CLIC5: variants seen among roughly 807,000 people sequenced by gnomAD.
The protein encoded by CLIC5 is CLIC family member 5, also known as chloride intracellular channel protein 5.
A neutral mutation model predicts 24.7 loss-of-function variants in CLIC5; 20 were observed. The ratio of observed to expected loss-of-function variants is 0.81; its 90% CI spans 0.57 to 1.18. CLIC5 has a LOEUF of 1.18. CLIC5 is among the 50% of genes most tolerant of loss of function. The probability of loss-of-function intolerance (pLI) is 0.00; values close to 1 mark genes in which losing one functional copy is unlikely to be tolerated. For missense variants in CLIC5, 341 were observed against 326.1 expected (o/e 1.05, Z -0.35); for synonymous variants, 159 against 135.6 (o/e 1.17, Z -1.20).
At chr6:45,903,359 T>C in intron 5 of CLIC5, 104 bp from the exon 6 acceptor site, 1 of 961,200 alleles carries the variant, frequency 1.0e-6, no homozygotes, top group Non-Finnish European at 1.5e-6. Context: ...GAAACCTCCG[T>C]GCATCACCAC....
At chr6:45,880,973 T>C (rs1474170652), downstream of CLIC5, 1 of 394,316 alleles carries the variant, frequency 2.5e-6, no homozygotes, top group African/African-American at 2.1e-5. Flanking sequence ...CTAGAGGGAA[T>C]GGGGGGACGG....
intron 4 of CLIC5, among the ~76,000 whole-genome samples, chr6:45,922,823 A>AAGAGAGAGAG (rs547902327): frequency 0.082 from 11,445 of 140,180 alleles, 724 homozygotes; most frequent in East Asian, 0.24. Flanking sequence ...GAGAGAGAGA[A>AAGAGAGAGAG]AGAGAGAGAG....
intron 4 of CLIC5, among the ~76,000 whole-genome samples, chr6:45,922,988 GCAAA>G (rs140598140): frequency 7.9e-5 from 12 of 152,170 alleles, no homozygotes; most frequent in East Asian, 5.8e-4. Context: ...TTATCCCTGA[GCAAA>G]CAAACAAACA....
chr6:46,071,654 C>G (rs111401736), intron 1 of CLIC5, among the ~76,000 whole-genome samples: 2 of 152,174 alleles, frequency 1.3e-5, no homozygotes, highest in African/African-American at 4.8e-5. Context: ...GTTAGTTCAG[C>G]CTTTGTGGAA....
intron 1 of CLIC5, among the ~76,000 whole-genome samples, chr6:46,010,924 G>T (rs547453123): frequency 1.3e-5 from 2 of 152,298 alleles, no homozygotes; most frequent in Non-Finnish European, 2.9e-5. Flanking sequence ...TAGGCAAGCG[G>T]CCCAAGGTGA....
intron 1 of CLIC5, among the ~76,000 whole-genome samples, chr6:46,068,227 T>C (rs1762496558): frequency 6.6e-6 from 1 of 152,168 alleles, no homozygotes; most frequent in Non-Finnish European, 1.5e-5. Flanking sequence ...GACAATACCC[T>C]ATCTTTAGAC....
upstream of CLIC5, among the ~76,000 whole-genome samples, chr6:46,082,338 T>A (rs1762941864): frequency 6.6e-6 from 1 of 152,174 alleles, no homozygotes; most frequent in East Asian, 1.9e-4. Flanking sequence ...TTAGAACACA[T>A]CTATCATGAT....
At chr6:46,078,820 G>T (rs368901558) in intron 1 of CLIC5, among the ~76,000 whole-genome samples, 2 of 152,312 alleles carry the variant, frequency 1.3e-5, no homozygotes, top group African/African-American at 4.8e-5. Flanking sequence ...GGCAAAATTA[G>T]TAAAGTGTGT....
the CLIC5 span, among the ~76,000 whole-genome samples, chr6:46,108,032 C>CAAAAAAAAAAAAA: frequency 3.6e-3 from 121 of 33,240 alleles, 5 homozygotes; most frequent in Non-Finnish European, 5.1e-3. Context: ...AAAACTCCAT[C>CAAAAAAAAAAAAA]AAAAAAAAAA....
chr6:45,910,212 T>A (rs947473248), intron 5 of CLIC5, among the ~76,000 whole-genome samples: 1 of 152,178 alleles, frequency 6.6e-6, no homozygotes, highest in African/African-American at 2.4e-5. Context: ...ATAATCTCAA[T>A]AATGATGTTG....
the CLIC5 span, among the ~76,000 whole-genome samples, chr6:46,112,295 T>C: frequency 6.6e-6 from 1 of 152,178 alleles, no homozygotes; most frequent in Non-Finnish European, 1.5e-5. Context: ...AGTCTGATTA[T>C]CTTAAAAGGT....
At chr6:46,085,949 C>T in the CLIC5 span, among the ~76,000 whole-genome samples, 21 of 152,338 alleles carry the variant, frequency 1.4e-4, no homozygotes, top group African/African-American at 3.8e-4. Flanking sequence ...TGGGCAATGG[C>T]GGGTGCCCCT....
the CLIC5 span, among the ~76,000 whole-genome samples, chr6:46,128,745 A>C: frequency 6.6e-6 from 1 of 152,212 alleles, no homozygotes; most frequent in South Asian, 2.1e-4. Context: ...TGCAGGTTCT[A>C]GGGATTCAGC....
chr6:45,974,483 CTGTG>C (rs754615455), intron 1 of CLIC5, among the ~76,000 whole-genome samples: 20,544 of 75,414 alleles, frequency 0.27, 2,533 homozygotes, highest in Admixed American at 0.34. Flanking sequence ...GTGTTTACTA[CTGTG>C]TGTGTGTGTG....
In CLIC5 at chr6:46,007,272, T is replaced by C. The variant is rs145166707; in HGVS notation, c.63+8208A>G. ...AGTTAAAAGGAAACTTAAAGCTCAA[T>C]TAGTTTGTCTGTACTCTTCAATTTA... On this transcript the variant is annotated intron_variant, in intron 1 of 5. Coordinates refer to ENST00000339561, the MANE Select transcript of CLIC5 (RefSeq NM_016929.5). Among the ~76,000 whole-genome samples the C allele has an allele frequency of 8.5e-5, 13 of 152,344 alleles. No homozygotes were observed. In the East Asian group the frequency reaches 2.5e-3, roughly 29 times the overall value.
the CLIC5 span, among the ~76,000 whole-genome samples, chr6:46,109,607 T>C: frequency 6.8e-6 from 1 of 146,468 alleles, no homozygotes; most frequent in East Asian, 2.1e-4. Flanking sequence ...ATGAATTACA[T>C]GGGAATGAAT....
chr6:46,001,192 T>G (rs955407914), intron 1 of CLIC5, among the ~76,000 whole-genome samples: 1 of 152,118 alleles, frequency 6.6e-6, no homozygotes, highest in Non-Finnish European at 1.5e-5. Context: ...GTCCATGGTT[T>G]TTCTCCAGCA....
chr6:45,977,098 T>G (rs1765411216), intron 1 of CLIC5, among the ~76,000 whole-genome samples: 1 of 152,178 alleles, frequency 6.6e-6, no homozygotes. Context: ...TAAATATTTG[T>G]AATAAATATT....
chr6:46,076,217 A>T (rs1213998594), intron 1 of CLIC5, among the ~76,000 whole-genome samples: 1 of 152,082 alleles, frequency 6.6e-6, no homozygotes. Flanking sequence ...CTCCAGCCTC[A>T]TCTCCTACCA....
Sources: allele counts gnomAD v4.1 joint callset (sites outside exome capture counted in the v4.1 genomes callset), GRCh38; gene constraint gnomAD v4.1.1; transcripts MANE v1.5; gene names NCBI Gene and HGNC (gene_info 2026-07-23, HGNC 2026-07-21).